The following LYRM4 variants were observed in gnomAD, a reference collection of about 807,000 sequenced individuals.
The protein encoded by LYRM4 is LYR motif-containing protein 4.
A neutral mutation model predicts 11.7 loss-of-function variants in LYRM4; 9 were observed. That is an observed-to-expected ratio of 0.77 (90% CI 0.46 to 1.34). The LOEUF is 1.34. Among genes scored for constraint, LYRM4 ranks in the 40% most tolerant of loss-of-function variants. The probability of loss-of-function intolerance (pLI) is 0.00; values close to 1 mark genes in which losing one functional copy is unlikely to be tolerated. For missense variants in LYRM4, 133 were observed against 112.5 expected (o/e 1.18, Z -0.82); for synonymous variants, 42 against 40.4 (o/e 1.04, Z -0.15).
chr6:5,251,208 A>G (rs764697706), intron 1 of LYRM4, among the ~76,000 whole-genome samples: 2 of 152,214 alleles, frequency 1.3e-5, no homozygotes, highest in Non-Finnish European at 2.9e-5. Context: ...TTTTCAAGAA[A>G]TATTAGGAAG....
intron 2 of LYRM4, among the ~76,000 whole-genome samples, chr6:5,191,070 T>C (rs527381569): frequency 2.6e-5 from 4 of 152,192 alleles, no homozygotes; most frequent in South Asian, 2.1e-4. Flanking sequence ...CGGATGTACA[T>C]GAAGATATTT....
intron 1 of LYRM4, among the ~76,000 whole-genome samples, chr6:5,228,497 T>A (rs1763029408): frequency 6.6e-6 from 1 of 152,028 alleles, no homozygotes. Context: ...AGGCTGGTAT[T>A]GAACTCCTGA....
At chr6:5,235,087 T>A (rs1161608851) in intron 1 of LYRM4, among the ~76,000 whole-genome samples, 1 of 152,136 alleles carries the variant, frequency 6.6e-6, no homozygotes, top group Non-Finnish European at 1.5e-5. Context: ...CTTTCCATCA[T>A]TACTTCCCCT....
At chr6:5,170,768 C>T (rs1759383053) in intron 2 of LYRM4, among the ~76,000 whole-genome samples, 1 of 152,178 alleles carries the variant, frequency 6.6e-6, no homozygotes, top group Non-Finnish European at 1.5e-5. Flanking sequence ...TCCCTTTATA[C>T]TGGGTATACA....
the LYRM4 span, among the ~76,000 whole-genome samples, chr6:5,053,265 A>G: frequency 6.6e-6 from 1 of 152,164 alleles, no homozygotes; most frequent in Non-Finnish European, 1.5e-5. Flanking sequence ...TCCTGCCAGA[A>G]AGTGAGACAG....
intron 2 of LYRM4, among the ~76,000 whole-genome samples, chr6:5,171,203 G>A (rs1226169077): frequency 6.6e-6 from 1 of 152,084 alleles, no homozygotes; most frequent in Admixed American, 6.5e-5. Flanking sequence ...GATTATCTGT[G>A]TAATAAAAAA....
At chr6:5,092,936 G>T in the LYRM4 span, among the ~76,000 whole-genome samples, 1 of 152,184 alleles carries the variant, frequency 6.6e-6, no homozygotes, top group Non-Finnish European at 1.5e-5. Context: ...TCTATTTGCT[G>T]CATTAGGATT....
At chr6:5,044,384 G>A in the LYRM4 span, among the ~76,000 whole-genome samples, 3 of 152,182 alleles carry the variant, frequency 2.0e-5, no homozygotes, top group African/African-American at 4.8e-5. Context: ...GCCCGCCTCG[G>A]CCTCCCAAAG....
rs1581352515 is a variant in LYRM4 at position 5,136,647 on chromosome 6, G to A, written c.208-27156C>T. 6.1e-6 allele frequency: 6 copies of A among 985,378 alleles called. No individual in the cohort carries two copies. The South Asian group carries it at 2.8e-4, about 46-fold the overall frequency. The allele number at this position is 985,378 out of a possible 1,614,324, so 61.0% of individuals were successfully genotyped here. A position where few individuals can be genotyped will look rare whatever the true frequency, so the allele number is the denominator to read the frequency against. ...ATTACTTCCATTTCAACAATCCCAG[G>A]TGTTGTCAAAGAAGGTGGCATTTAC... On this transcript the variant is annotated intron_variant, in intron 2 of 2. Transcript: ENST00000330636.
intron 2 of LYRM4, among the ~76,000 whole-genome samples, chr6:5,145,913 T>A (rs52401): frequency 0.85 from 128,903 of 151,986 alleles, 54,867 homozygotes; most frequent in East Asian, 0.92. Context: ...TCCCCTTGGC[T>A]CTCTCTTCCC....
chr6:5,243,121 T>C (rs1411374390), intron 1 of LYRM4, among the ~76,000 whole-genome samples: 1 of 152,218 alleles, frequency 6.6e-6, no homozygotes, highest in Non-Finnish European at 1.5e-5. Context: ...GGGAGAATTC[T>C]TCAAGGGCGA....
intron 2 of LYRM4, among the ~76,000 whole-genome samples, chr6:5,216,047 G>A (rs79386047): frequency 3.6e-3 from 541 of 152,264 alleles, no homozygotes; most frequent in Non-Finnish European, 5.0e-3. Context: ...AGAAAAGGAA[G>A]CACAAGTCAA....
At chr6:5,039,663 CAG>C in the LYRM4 span, among the ~76,000 whole-genome samples, 1 of 152,084 alleles carries the variant, frequency 6.6e-6, no homozygotes, top group Non-Finnish European at 1.5e-5. Context: ...AAATCGGAAA[CAG>C]AGAAAGGGAG....
At chr6:5,042,134 A>T in the LYRM4 span, among the ~76,000 whole-genome samples, 40 of 152,292 alleles carry the variant, frequency 2.6e-4, no homozygotes, top group Middle Eastern at 3.4e-3. Context: ...TGTGTCATCA[A>T]ATATAGGTAA....
intron 2 of LYRM4, among the ~76,000 whole-genome samples, chr6:5,182,934 G>A (rs1760163293): frequency 1.3e-5 from 2 of 152,164 alleles, no homozygotes; most frequent in Admixed American, 1.3e-4. Context: ...TAATCTGCAT[G>A]CATGATTTTT....
At chr6:5,076,442 G>A in the LYRM4 span, among the ~76,000 whole-genome samples, 1 of 152,120 alleles carries the variant, frequency 6.6e-6, no homozygotes, top group Non-Finnish European at 1.5e-5. Flanking sequence ...CACATTTCTT[G>A]AGCTCTTGGA....
chr6:5,159,447 G>A (rs1758620809), intron 2 of LYRM4, among the ~76,000 whole-genome samples: 3 of 152,350 alleles, frequency 2.0e-5, no homozygotes, highest in Admixed American at 1.3e-4. Flanking sequence ...TGATCATGCA[G>A]AAGAAGGGAT....
At chr6:5,057,646 C>T in the LYRM4 span, among the ~76,000 whole-genome samples, 6 of 149,192 alleles carry the variant, frequency 4.0e-5, no homozygotes, top group East Asian at 4.1e-4. Flanking sequence ...ACCTGGGAGG[C>T]GGAGGTTGTA....
chr6:5,188,155 G>A (rs902559653), intron 2 of LYRM4, among the ~76,000 whole-genome samples: 4 of 152,104 alleles, frequency 2.6e-5, no homozygotes, highest in African/African-American at 9.7e-5. Flanking sequence ...TTTGAGACCA[G>A]CCTGCGAAAC....
Sources: gnomAD v4.1 joint callset for allele counts (sites outside exome capture counted in the v4.1 genomes callset) on GRCh38, gnomAD v4.1.1 for gene constraint, MANE v1.5 for transcripts, NCBI Gene and HGNC (gene_info 2026-07-23, HGNC 2026-07-21) for gene names.